The following PRDM12 variants were observed in gnomAD, a reference collection of about 807,000 sequenced individuals.
The protein encoded by PRDM12 is PR domain zinc finger protein 12.
In PRDM12, 17 loss-of-function variants were observed where a neutral mutation model predicts 29.6. The ratio of observed to expected loss-of-function variants is 0.57; its 90% CI spans 0.39 to 0.86. PRDM12 has a LOEUF of 0.86. PRDM12 is among the 40% of genes least tolerant of loss of function. PRDM12 has a pLI of 0.00. For synonymous variants in PRDM12, 231 were observed against 225.8 expected (o/e 1.02, Z -0.21); for missense variants, 422 against 510.8 (o/e 0.83, Z 1.68).
chr9:130,666,572 G>C, intron 1 of PRDM12, 36 bp from the exon 2 acceptor site: 3 of 1,590,622 alleles, frequency 1.9e-6, no homozygotes, highest in African/African-American at 1.4e-5. Flanking sequence ...CGGCTGCCTC[G>C]GGCTCTGACC....
Position 130,668,066 on chromosome 9 carries a change from T to G in PRDM12, c.415-92T>G. ...CTTTATCCACTTCCTGGGGCTGTTGTGAGGATGGAGAGTGTGTGTGTGGAT... is the reference window on the plus strand; with the variant it reads ...CTTTATCCACTTCCTGGGGCTGTTGGGAGGATGGAGAGTGTGTGTGTGGAT... On this transcript the variant is annotated intron_variant, in intron 2 of 4. Transcript: ENST00000253008. The surrounding 1 kb of genome is among the most constrained non-coding windows in gnomAD (Gnocchi z 4.0). The G allele has an allele frequency of 6.2e-6, 9 of 1,455,308 alleles. No homozygotes were observed. The highest frequency in any genetic ancestry group is 7.6e-6 in the Non-Finnish European group (8 of 1,055,428). 90.1% of individuals were successfully genotyped at this position (1,455,308 alleles called of 1,614,324 possible). A position where few individuals can be genotyped will look rare whatever the true frequency, so the allele number is the denominator to read the frequency against.
Position 130,681,918 on chromosome 9 carries a change from G to A in PRDM12, c.*249G>A. The A allele has an allele frequency of 4.8e-6, 1 of 208,844 alleles. No homozygotes were observed. Among genetic ancestry groups the A allele is most frequent in the Non-Finnish European group, 8.3e-6 (1 of 119,990 alleles). 12.9% of individuals were successfully genotyped at this position (208,844 alleles called of 1,614,324 possible). A position where few individuals can be genotyped will look rare whatever the true frequency, so the allele number is the denominator to read the frequency against. ...GCGGCTGTTCGGCCGCCTCCTCTGG[G>A]AGGGGGTCCCCCTGCCTGGCCTCGC... On this transcript the variant is annotated 3_prime_UTR_variant, in exon 5 of 5. Transcript: ENST00000253008. This position sits in a 1 kb window ranked among gnomAD's most constrained non-coding sequence, Gnocchi z 8.1.
intron 3 of PRDM12, among the ~76,000 whole-genome samples, chr9:130,669,832 A>G (rs950886654): frequency 6.6e-5 from 10 of 151,410 alleles, no homozygotes; most frequent in African/African-American, 2.4e-4. Context: ...AAAAAAAAAA[A>G]AAAAAGGTAA....
intron 1 of PRDM12, among the ~76,000 whole-genome samples, chr9:130,665,415 A>G (rs2132587490): frequency 6.6e-6 from 1 of 152,274 alleles, no homozygotes; most frequent in South Asian, 2.1e-4. Context: ...TCAAGTTCTT[A>G]TTCCTCATTC....
At position 130,674,922 on chromosome 9, in the gene PRDM12, C is replaced by T. The variant is rs565642255; in HGVS notation, c.571-3607C>T. On this transcript the variant is annotated intron_variant, in intron 3 of 4. Transcript: ENST00000253008. Reference sequence around the variant, plus strand: ...TGAGATGGAGTTTCACTTTGTTGGTCGGACAGTAGGGCAGTGGCATGATCT... The same window carrying T: ...TGAGATGGAGTTTCACTTTGTTGGTTGGACAGTAGGGCAGTGGCATGATCT... Among the ~76,000 whole-genome samples, 30 of 152,230 alleles carry T rather than the reference C, an allele frequency of 2.0e-4. No individual in the cohort carries two copies. The South Asian group carries it at 4.6e-3, about 23-fold the overall frequency.
At chr9:130,674,492 T>TTGTGTGTGTGTGTGTGTGTG (rs58489448) in intron 3 of PRDM12, among the ~76,000 whole-genome samples, 3 of 142,896 alleles carry the variant, frequency 2.1e-5, no homozygotes, top group Admixed American at 1.4e-4. Flanking sequence ...AAAAGATAAT[T>TTGTGTGTGTGTGTGTGTGTG]TGTGTGTGTG....
Position 130,668,368 on chromosome 9 carries a change from G to T in PRDM12, c.570+55G>T. The T allele has an allele frequency of 1.9e-6, 3 of 1,605,840 alleles. No individual in the cohort carries two copies. The highest frequency in any genetic ancestry group is 1.7e-6 in the Non-Finnish European group (2 of 1,174,044). On this transcript the variant is annotated intron_variant, in intron 3 of 4. Coordinates refer to ENST00000253008, the MANE Select transcript of PRDM12 (RefSeq NM_021619.3). This position sits in a 1 kb window ranked among gnomAD's most constrained non-coding sequence, Gnocchi z 4.0. Reference sequence around the variant, plus strand: ...GGGACCAGCCGGTAAACCCGGCGGGGGGAGGTGTGCAGGGCAGCGGTGTCC... The same window carrying T: ...GGGACCAGCCGGTAAACCCGGCGGGTGGAGGTGTGCAGGGCAGCGGTGTCC...
chr9:130,676,555 T>C (rs934450515), intron 3 of PRDM12, among the ~76,000 whole-genome samples: 2 of 152,326 alleles, frequency 1.3e-5, no homozygotes, highest in South Asian at 4.1e-4. Context: ...CTTTCTTCTC[T>C]GCCCCTTTCC....
chr9:130,671,388 C>CAT (rs1287221643), intron 3 of PRDM12, among the ~76,000 whole-genome samples: 1 of 151,156 alleles, frequency 6.6e-6, no homozygotes, highest in Admixed American at 6.6e-5. Context: ...CACACACACA[C>CAT]ACACACACAC....
At chr9:130,676,961 TG>T (rs1272024720) in intron 3 of PRDM12, among the ~76,000 whole-genome samples, 1 of 151,072 alleles carries the variant, frequency 6.6e-6, no homozygotes, top group Admixed American at 6.6e-5. Context: ...CAGACTGGAG[TG>T]GTCACCCAGG....
In PRDM12 at chr9:130,668,062, G is replaced by A. The variant is rs1189904137; in HGVS notation, c.415-96G>A. The A allele has an allele frequency of 6.9e-7, 1 of 1,446,390 alleles. No homozygotes were observed. Among genetic ancestry groups the A allele is most frequent in the Non-Finnish European group, 9.5e-7 (1 of 1,049,574 alleles). 89.6% of individuals were successfully genotyped at this position (1,446,390 alleles called of 1,614,324 possible). A position where few individuals can be genotyped will look rare whatever the true frequency, so the allele number is the denominator to read the frequency against. ...GAAGCTTTATCCACTTCCTGGGGCT[G>A]TTGTGAGGATGGAGAGTGTGTGTGT... is the stretch of plus-strand genomic sequence containing the variant. On this transcript the variant is annotated intron_variant, in intron 2 of 4. Coordinates refer to ENST00000253008, the MANE Select transcript of PRDM12 (RefSeq NM_021619.3). The surrounding 1 kb of genome is among the most constrained non-coding windows in gnomAD (Gnocchi z 4.0).
chr9:130,675,444 T>A (rs2132600456), intron 3 of PRDM12, among the ~76,000 whole-genome samples: 1 of 152,302 alleles, frequency 6.6e-6, no homozygotes, highest in South Asian at 2.1e-4. Context: ...TGCTGGACAC[T>A]GAAGACAGAA....
At position 130,672,068 on chromosome 9, in the gene PRDM12, G is replaced by A. The variant is rs139415332; in HGVS notation, c.570+3755G>A. 1.2e-3 allele frequency among the ~76,000 whole-genome samples: 180 copies of A among 152,290 alleles called. 2 individuals carry two copies. The highest frequency in any genetic ancestry group is 9.7e-3 in the Admixed American group (148 of 15,288). The stretch of plus-strand genomic sequence containing the variant: ...GCTGGATCCACTGATGTGGCCCCTG[G>A]GGAACCTCCTGGCTTACTCCAGTCA... On this transcript the variant is annotated intron_variant, in intron 3 of 4. Transcript: ENST00000253008.
chr9:130,679,393 C>T (rs538878292), intron 4 of PRDM12, among the ~76,000 whole-genome samples: 77 of 136,386 alleles, frequency 5.6e-4, no homozygotes, highest in African/African-American at 2.2e-3. Context: ...AACGCAGTGG[C>T]GTGATCTTGG....
chr9:130,667,792 C>T (rs1358751295), intron 2 of PRDM12, among the ~76,000 whole-genome samples: 1 of 152,204 alleles, frequency 6.6e-6, no homozygotes, highest in Non-Finnish European at 1.5e-5. Flanking sequence ...TGAGGCCTGG[C>T]TGATGTTCCC....
intron 3 of PRDM12, among the ~76,000 whole-genome samples, chr9:130,670,206 T>C (rs1357809802): frequency 6.6e-6 from 1 of 151,892 alleles, no homozygotes; most frequent in Non-Finnish European, 1.5e-5. Flanking sequence ...TAGGGCTTGG[T>C]GGAGATTTTT....
In PRDM12 at chr9:130,681,189, G is replaced by A; in HGVS notation, c.683-59G>A. ...GGGCTGCGGGGCGCCGGTTCTAACG[G>A]GGCTGCTCTCTCCCCTTCTCCGTCT... On this transcript the variant is annotated intron_variant, in intron 4 of 4. Coordinates refer to ENST00000253008, the MANE Select transcript of PRDM12 (RefSeq NM_021619.3). This position sits in a 1 kb window ranked among gnomAD's most constrained non-coding sequence, Gnocchi z 8.1. The A allele has an allele frequency of 1.5e-6, 2 of 1,364,526 alleles. No homozygotes were observed. Among genetic ancestry groups the A allele is most frequent in the Non-Finnish European group, 1.9e-6 (2 of 1,054,242 alleles). 84.5% of individuals were successfully genotyped at this position (1,364,526 alleles called of 1,614,324 possible).
intron 3 of PRDM12, among the ~76,000 whole-genome samples, chr9:130,672,590 G>A (rs1336723650): frequency 1.3e-4 from 20 of 152,188 alleles, no homozygotes; most frequent in Admixed American, 1.0e-3. Flanking sequence ...CGGAGATTAC[G>A]GGAAGTTGCT....
intron 4 of PRDM12, among the ~76,000 whole-genome samples, chr9:130,680,655 A>ATTTTTTTTTTTTTTTTTTTT (rs1247286672): frequency 1.2e-5 from 1 of 85,576 alleles, no homozygotes; most frequent in African/African-American, 7.5e-5. Flanking sequence ...ATATATATAT[A>ATTTTTTTTTTTTTTTTTTTT]TATATTTTTT....
Sources: allele counts gnomAD v4.1 joint callset (sites outside exome capture counted in the v4.1 genomes callset), GRCh38; gene constraint gnomAD v4.1.1; non-coding constraint Gnocchi (gnomAD v3.1); transcripts MANE v1.5; gene names NCBI Gene and HGNC (gene_info 2026-07-23, HGNC 2026-07-21).